The following MAG variants were observed in gnomAD, a reference collection of about 807,000 sequenced individuals.
The protein encoded by MAG is myelin associated glycoprotein.
Under a neutral mutation model 60.7 loss-of-function variants are expected in MAG, and 30 were observed. The ratio of observed to expected loss-of-function variants is 0.49; its 90% CI spans 0.37 to 0.67. The LOEUF is 0.67. Ranked by LOEUF, MAG falls within the 30% of genes least tolerant of loss-of-function variation. The probability of loss-of-function intolerance (pLI) is 0.00; values close to 1 mark genes in which losing one functional copy is unlikely to be tolerated. For missense variants in MAG, 795 were observed against 851.7 expected (o/e 0.93, Z 0.83); for synonymous variants, 384 against 376.8 (o/e 1.02, Z -0.22).
At chr19:35,296,689 A>G (rs887200890) in intron 4 of MAG, among the ~76,000 whole-genome samples, 2 of 151,632 alleles carry the variant, frequency 1.3e-5, no homozygotes, top group Non-Finnish European at 2.9e-5. Context: ...CTCAGCGCTG[A>G]GTCCCTATGA....
At position 35,313,471 on chromosome 19, in the gene MAG, CT is replaced by C; in HGVS notation, c.*18del. ...GTCAAGTGAAGGAGCTGGGGGCAGC[CT>C]GCGTGGCTGACCCCCCTCAGGACCC... is the stretch of plus-strand genomic sequence containing the variant. On this transcript the variant is annotated 3_prime_UTR_variant, in exon 11 of 11. Coordinates refer to ENST00000392213, the MANE Select transcript of MAG (RefSeq NM_002361.4). 1 of 1,601,018 alleles carries C rather than the reference CT, an allele frequency of 6.2e-7. No homozygotes were observed. Among genetic ancestry groups the C allele is most frequent in the Non-Finnish European group, 8.5e-7 (1 of 1,174,240 alleles).
In MAG at chr19:35,313,347, G is replaced by C; in HGVS notation, c.1774G>C (p.Glu592Gln). Residue 592 changes from glutamate (E) to glutamine (Q), a missense_variant, in exon 11 of 11, where the codon GAG becomes CAG. By Grantham distance (29) the Glu-to-Gln change is conservative. Coordinates refer to ENST00000392213, the MANE Select transcript of MAG (RefSeq NM_002361.4). ...RLLGLRGEPP[E>Q]LDLSYSHSDL... ...GCTGGGCCTTCGGGGTGAGCCCCCA[G>C]AGCTGGACCTGAGCTATTCTCACTC... is the stretch of plus-strand genomic sequence containing the variant. The C allele has an allele frequency of 2.5e-6, 4 of 1,614,188 alleles. No individual in the cohort carries two copies. The highest frequency in any genetic ancestry group is 3.4e-6 in the Non-Finnish European group (4 of 1,180,020).
intron 7 of MAG, among the ~76,000 whole-genome samples, chr19:35,307,077 C>T (rs12185506): frequency 6.6e-6 from 1 of 152,266 alleles, no homozygotes; most frequent in East Asian, 1.9e-4. Flanking sequence ...CACTTTGTCA[C>T]CAGAGCACCA....
intron 10 of MAG, among the ~76,000 whole-genome samples, chr19:35,313,074 A>G (rs1156743352): frequency 6.6e-6 from 1 of 152,184 alleles, no homozygotes; most frequent in African/African-American, 2.4e-5. Context: ...TTTGTAGGCA[A>G]ATTTCAAGTT....
At chr19:35,309,187 C>T (rs1308580200) in intron 7 of MAG, among the ~76,000 whole-genome samples, 1 of 152,116 alleles carries the variant, frequency 6.6e-6, no homozygotes, top group East Asian at 1.9e-4. Flanking sequence ...TCAAAAGTGG[C>T]ACCAGAAGAA....
In MAG at chr19:35,295,677, C is replaced by T. The variant is rs540917777; in HGVS notation, c.111C>T (p.Cys37=). ...PSSISAFEGT[C]VSIPCRFDFP... ...CCATCTCGGCCTTCGAAGGCACGTG[C>T]GTCTCCATCCCCTGCCGCTTTGACT... is the stretch of plus-strand genomic sequence containing the variant. The change falls in exon 4 of 11, where the codon TGC becomes TGT. Residue 37 remains cysteine (C), a synonymous_variant. Transcript: ENST00000392213. The surrounding 1 kb of genome is among the most constrained non-coding windows in gnomAD (Gnocchi z 5.8). The T allele has an allele frequency of 3.8e-5, 61 of 1,612,424 alleles. No individual in the cohort carries two copies. The highest frequency in any genetic ancestry group is 6.7e-5 in the African/African-American group (5 of 74,898).
chr19:35,300,739 A>T (rs1293336612), intron 6 of MAG, among the ~76,000 whole-genome samples: 1 of 152,012 alleles, frequency 6.6e-6, no homozygotes, highest in Admixed American at 6.5e-5. Context: ...ACTTTATAAA[A>T]TTTTTTTGGA....
chr19:35,312,205 G>T, intron 10 of MAG, 188 bp downstream of exon 10: 1 of 1,415,790 alleles, frequency 7.1e-7, no homozygotes, highest in Admixed American at 1.7e-5. Flanking sequence ...GCTGTGTAGG[G>T]GGCGATGGGA....
At position 35,311,912 on chromosome 19, in the gene MAG, C is replaced by G. The variant is rs778294462; in HGVS notation, c.1617-6C>G. On this transcript the variant is annotated splice_polypyrimidine_tract_variant and splice_region_variant and intron_variant, in intron 9 of 10. Transcript: ENST00000392213. Reference sequence around the variant, plus strand: ...AGAGAGAGGTCTGACGAGTCCTGCCCTGCAGAAAGAACGTGACAGAGAGCC... The same window carrying G: ...AGAGAGAGGTCTGACGAGTCCTGCCGTGCAGAAAGAACGTGACAGAGAGCC... 1 of 1,608,976 alleles carries G rather than the reference C, an allele frequency of 6.2e-7. No individual in the cohort carries two copies.
In MAG at chr19:35,299,921, G is replaced by GA. The variant is rs1353681950; in HGVS notation, c.712+72dup. 9 of 1,202,208 alleles carry GA rather than the reference G, an allele frequency of 7.5e-6. No individual in the cohort carries two copies. In the Admixed American group the frequency reaches 2.3e-4, roughly 31 times the overall value. The allele number at this position is 1,202,208 out of a possible 1,614,324, so 74.5% of individuals were successfully genotyped here. A position where few individuals can be genotyped will look rare whatever the true frequency, so the allele number is the denominator to read the frequency against. Reference sequence around the variant, plus strand: ...GGTCCGGGGAGGGGGTGGACCTGGGGATGCGGCCGGAGGCGGGGCCGGGCC... The same window carrying GA: ...GGTCCGGGGAGGGGGTGGACCTGGGGAATGCGGCCGGAGGCGGGGCCGGGCC... On this transcript the variant is annotated intron_variant, in intron 5 of 10. Coordinates refer to ENST00000392213, the MANE Select transcript of MAG (RefSeq NM_002361.4).
chr19:35,309,985 C>T lies in MAG; in HGVS notation c.1343C>T (p.Ser448Leu), dbSNP rs201766617. 3.1e-6 allele frequency: 5 copies of T among 1,613,922 alleles called. No homozygotes were observed. The African/African-American group carries it at 4.0e-5, about 13-fold the overall frequency. The change falls in exon 8 of 11, where the codon TCG becomes TTG. Residue 448 changes from serine to leucine, a missense_variant. Coordinates refer to ENST00000392213, the MANE Select transcript of MAG (RefSeq NM_002361.4). ...CCGTCCGTGGCCTTTGAGCTGCCAT[C>T]GCGCAATGTGACCGTGAACGAGAGC... ...PEPSVAFELP[S>L]RNVTVNESER...
chr19:35,299,862 TGCGGGCGGGGCGGG>T lies in MAG; in HGVS notation c.712+14_712+27del. 1.7e-6 allele frequency: 1 copy of T among 575,516 alleles called. No homozygotes were observed. Among genetic ancestry groups the T allele is most frequent in the Non-Finnish European group, 2.1e-6 (1 of 480,094 alleles). The allele number at this position is 575,516 out of a possible 1,614,324, so 35.7% of individuals were successfully genotyped here. A position where few individuals can be genotyped will look rare whatever the true frequency, so the allele number is the denominator to read the frequency against. The stretch of plus-strand genomic sequence containing the variant: ...CATGGACGTCAAGTGTGAGCCTGGG[TGCGGGCGGGGCGGG>T]GTGGGGCGGGGTGGGGCGGGGTCCG... On this transcript the variant is annotated intron_variant, in intron 5 of 10. Coordinates refer to ENST00000392213, the MANE Select transcript of MAG (RefSeq NM_002361.4).
Position 35,295,709 on chromosome 19 carries a change from A to C in MAG, c.143A>C (p.Asp48Ala). The C allele has an allele frequency of 6.2e-7, 1 of 1,613,620 alleles. No individual in the cohort carries two copies. The highest frequency in any genetic ancestry group is 8.5e-7 in the Non-Finnish European group (1 of 1,180,010). ...ATCCCCTGCCGCTTTGACTTCCCGG[A>C]TGAGCTGCGGCCCGCTGTGGTGCAT... ...VSIPCRFDFP[D>A]ELRPAVVHGV... The change falls in exon 4 of 11, where the codon GAT (aspartate) becomes GCT (alanine). Residue 48 changes from aspartate to alanine, a missense_variant. Asp to Ala is a moderately radical substitution (Grantham distance 126). Transcript: ENST00000392213. This position sits in a 1 kb window ranked among gnomAD's most constrained non-coding sequence, Gnocchi z 5.8.
At chr19:35,294,481 C>T (rs767688454) in intron 2 of MAG, among the ~76,000 whole-genome samples, 191 bp downstream of exon 2, 6 of 152,314 alleles carry the variant, frequency 3.9e-5, no homozygotes, top group African/African-American at 7.2e-5. Context: ...TGGCCTTGGG[C>T]GAGTCACTTA....
At chr19:35,298,938 A>G (rs1389018979) in intron 4 of MAG, among the ~76,000 whole-genome samples, 1 of 150,778 alleles carries the variant, frequency 6.6e-6, no homozygotes, top group Non-Finnish European at 1.5e-5. Context: ...CACACTGCAC[A>G]CATACCATAC....
At chr19:35,298,887 C>G (rs980295520) in intron 4 of MAG, among the ~76,000 whole-genome samples, 1 of 151,110 alleles carries the variant, frequency 6.6e-6, no homozygotes, top group African/African-American at 2.4e-5. Context: ...ACACCACGCT[C>G]TACACCCACA....
chr19:35,301,700 G>A (rs1345983298), intron 6 of MAG, among the ~76,000 whole-genome samples: 2 of 152,036 alleles, frequency 1.3e-5, no homozygotes, highest in Non-Finnish European at 2.9e-5. Context: ...AAAGTGCTGG[G>A]ATTACAGGCG....
rs966680288 is a variant in MAG at position 35,295,555 on chromosome 19, G to A, written c.47-58G>A. ...CGGCATGTGGTTGGGGATGGGAGCC[G>A]GAGGGGGTGATCGGGTAGGACGTGT... On this transcript the variant is annotated intron_variant, in intron 3 of 10. Transcript: ENST00000392213. The surrounding 1 kb of genome is among the most constrained non-coding windows in gnomAD (Gnocchi z 5.8). 201 of 1,598,890 alleles carry A rather than the reference G, an allele frequency of 1.3e-4. No homozygotes were observed. Among genetic ancestry groups the A allele is most frequent in the Middle Eastern group, 1.9e-4 (1 of 5,212 alleles).
chr19:35,304,268 G>A (rs1263174041), intron 7 of MAG, among the ~76,000 whole-genome samples: 1 of 152,122 alleles, frequency 6.6e-6, no homozygotes, highest in Non-Finnish European at 1.5e-5. Context: ...CTCCAACTGT[G>A]CGTGCTATCC....
Sources: allele counts gnomAD v4.1 joint callset (sites outside exome capture counted in the v4.1 genomes callset), GRCh38; gene constraint gnomAD v4.1.1; non-coding constraint Gnocchi (gnomAD v3.1); transcripts MANE v1.5; gene names NCBI Gene and HGNC (gene_info 2026-07-23, HGNC 2026-07-21).